The following NETO2 variants were observed in gnomAD, a reference collection of about 807,000 sequenced individuals.
NETO2 encodes the protein neuropilin and tolloid like 2, also known as neuropilin and tolloid-like protein 2.
Under a neutral mutation model 62.5 loss-of-function variants are expected in NETO2, and 28 were observed. That is an observed-to-expected ratio of 0.45 (90% confidence interval 0.33 to 0.61). NETO2 has a LOEUF of 0.61. Ranked by LOEUF, NETO2 falls within the 20% of genes least tolerant of loss-of-function variation. The pLI is 0.02. For missense variants in NETO2, 548 were observed against 643.2 expected (o/e 0.85, Z 1.60); for synonymous variants, 214 against 219.1 (o/e 0.98, Z 0.21).
chr16:47,093,023 C>T (rs966042993), intron 7 of NETO2, among the ~76,000 whole-genome samples: 2 of 152,230 alleles, frequency 1.3e-5, no homozygotes, highest in African/African-American at 2.4e-5. Context: ...ACCTCCATGG[C>T]TTCCCGCTGT....
At chr16:47,123,584 G>A (rs1596737584) in intron 4 of NETO2, among the ~76,000 whole-genome samples, 1 of 151,954 alleles carries the variant, frequency 6.6e-6, no homozygotes, top group Non-Finnish European at 1.5e-5. Context: ...ATAAACACAG[G>A]TATCTTTAAA....
In NETO2 at chr16:47,114,871, ATTTAT is replaced by A. The variant is rs1166191893; in HGVS notation, c.655-5165_655-5161del. On this transcript the variant is annotated intron_variant, in intron 6 of 8. Coordinates refer to ENST00000562435, the MANE Select transcript of NETO2 (RefSeq NM_018092.5). ...TTATAATTTTACATCTATGTCCATG[ATTTAT>A]TTTGAGTTAATTTTTAAATACAGTG... 6.6e-5 allele frequency among the ~76,000 whole-genome samples: 10 copies of A among 152,102 alleles called. No individual in the cohort carries two copies. The East Asian group carries it at 1.4e-3, about 21-fold the overall frequency.
chr16:47,112,640 G>A (rs1309110295), intron 6 of NETO2, among the ~76,000 whole-genome samples: 4 of 152,196 alleles, frequency 2.6e-5, no homozygotes, highest in Admixed American at 6.5e-5. Context: ...GTTTACAAGC[G>A]TGAGCCACTG....
At chr16:47,114,090 C>CT (rs1963857772) in intron 6 of NETO2, among the ~76,000 whole-genome samples, 1 of 152,124 alleles carries the variant, frequency 6.6e-6, no homozygotes, top group Admixed American at 6.5e-5. Flanking sequence ...CAGAGCGGCT[C>CT]TATCATTTTG....
intron 4 of NETO2, among the ~76,000 whole-genome samples, chr16:47,123,352 TAA>T (rs1349426131): frequency 6.6e-6 from 1 of 152,152 alleles, no homozygotes; most frequent in Non-Finnish European, 1.5e-5. Flanking sequence ...TAAAAATGGT[TAA>T]AGAGAGCTAG....
chr16:47,119,769 C>T (rs1302295017), intron 6 of NETO2, among the ~76,000 whole-genome samples: 1 of 151,988 alleles, frequency 6.6e-6, no homozygotes, highest in African/African-American at 2.4e-5. Flanking sequence ...TTACAAATTA[C>T]TAAGTAGTAT....
chr16:47,129,576 G>T (rs112081636), intron 2 of NETO2, among the ~76,000 whole-genome samples: 1 of 152,132 alleles, frequency 6.6e-6, no homozygotes, highest in African/African-American at 2.4e-5. Flanking sequence ...CCGTGTAAGA[G>T]AACAGGGAAA....
intron 7 of NETO2, among the ~76,000 whole-genome samples, chr16:47,104,636 A>AT (rs1596716596): frequency 6.6e-6 from 1 of 152,360 alleles, no homozygotes; most frequent in East Asian, 1.9e-4. Flanking sequence ...CTTACTACAA[A>AT]TCTACAGTTA....
chr16:47,136,581 A>T (rs1241791914), intron 1 of NETO2, among the ~76,000 whole-genome samples: 3 of 151,828 alleles, frequency 2.0e-5, no homozygotes, highest in African/African-American at 7.3e-5. Context: ...CATTTTTTCT[A>T]TTTTAGTAGA....
chr16:47,139,727 A>G (rs1305968135), intron 1 of NETO2, among the ~76,000 whole-genome samples: 1 of 152,242 alleles, frequency 6.6e-6, no homozygotes, highest in African/African-American at 2.4e-5. Flanking sequence ...ACTCCAGCCT[A>G]CATATGCTAA....
chr16:47,091,452 T>C (rs1963311835), intron 7 of NETO2, among the ~76,000 whole-genome samples: 2 of 152,162 alleles, frequency 1.3e-5, no homozygotes, highest in South Asian at 2.1e-4. Context: ...AATAAATATG[T>C]GAGTAAAAAA....
At chr16:47,094,359 G>A (rs933957863) in intron 7 of NETO2, among the ~76,000 whole-genome samples, 25 of 151,328 alleles carry the variant, frequency 1.7e-4, no homozygotes, top group Admixed American at 6.6e-4. Flanking sequence ...TTTCCTGGTG[G>A]GAATGTATTC....
intron 4 of NETO2, among the ~76,000 whole-genome samples, chr16:47,124,756 C>A (rs1596738663): frequency 6.6e-6 from 1 of 152,132 alleles, no homozygotes; most frequent in African/African-American, 2.4e-5. Flanking sequence ...CCAAGAAAAT[C>A]ACTTAATCTG....
chr16:47,105,672 GA>G (rs1963659352), intron 7 of NETO2, among the ~76,000 whole-genome samples: 2 of 152,176 alleles, frequency 1.3e-5, no homozygotes, highest in South Asian at 4.1e-4. Context: ...CAAAGGATGT[GA>G]AGAGACCTTT....
intron 1 of NETO2, among the ~76,000 whole-genome samples, chr16:47,139,316 A>AC: frequency 6.6e-6 from 1 of 152,176 alleles, no homozygotes; most frequent in East Asian, 1.9e-4. Context: ...TGCTTTTTTA[A>AC]ATGCGAGCAC....
At chr16:47,142,404 A>C (rs545443119) in intron 1 of NETO2, among the ~76,000 whole-genome samples, 9 of 152,320 alleles carry the variant, frequency 5.9e-5, no homozygotes, top group Non-Finnish European at 1.2e-4. Context: ...GAGAGTAGAC[A>C]ATGTGTCCAA....
intron 7 of NETO2, among the ~76,000 whole-genome samples, chr16:47,097,617 C>T (rs1963454922): frequency 6.6e-6 from 1 of 152,186 alleles, no homozygotes; most frequent in Non-Finnish European, 1.5e-5. Flanking sequence ...TTAAACGTTC[C>T]TGCCTGCCGG....
intron 4 of NETO2, 92 bp downstream of exon 4, chr16:47,128,233 T>G: frequency 6.9e-7 from 1 of 1,454,462 alleles, no homozygotes; most frequent in Non-Finnish European, 9.2e-7. Flanking sequence ...TTTGATTAAC[T>G]TGACCAAATT....
intron 1 of NETO2, among the ~76,000 whole-genome samples, chr16:47,135,778 T>C (rs1474657311): frequency 6.6e-6 from 1 of 152,168 alleles, no homozygotes; most frequent in East Asian, 1.9e-4. Context: ...GTCAAATTTA[T>C]TCTTTTCACT....
Sources: allele counts gnomAD v4.1 joint callset (sites outside exome capture counted in the v4.1 genomes callset), GRCh38; gene constraint gnomAD v4.1.1; transcripts MANE v1.5; gene names NCBI Gene and HGNC (gene_info 2026-07-23, HGNC 2026-07-21).